Variants in FGF9 observed in about 807,000 individuals in gnomAD.
The protein encoded by FGF9 is fibroblast growth factor 9.
FGF9 carries 3 observed loss-of-function variants against 19.9 expected under a neutral mutation model. That is an observed-to-expected ratio of 0.15 (90% CI 0.07 to 0.39). The LOEUF is 0.39. FGF9 is among the 10% of genes least tolerant of loss of function. FGF9 has a pLI of 1.00. For synonymous variants in FGF9, 107 were observed against 106.9 expected, an observed-to-expected ratio of 1.00 and a Z score of -0.01; for missense variants, 175 against 256.8, an observed-to-expected ratio of 0.68 and a Z score of 2.18.
At chr13:21,697,893 G>A (rs904504010) in intron 2 of FGF9, among the ~76,000 whole-genome samples, 4 of 149,728 alleles carry the variant, frequency 2.7e-5, no homozygotes, top group Non-Finnish European at 5.9e-5. Flanking sequence ...TGCAAGCTCC[G>A]CCCTCCCGGG....
intron 2 of FGF9, among the ~76,000 whole-genome samples, chr13:21,693,699 G>A (rs893482361): frequency 2.0e-5 from 3 of 152,134 alleles, no homozygotes; most frequent in Non-Finnish European, 4.4e-5. Flanking sequence ...AAGAGGATGC[G>A]GCAGGCCCCA....
intron 1 of FGF9, among the ~76,000 whole-genome samples, chr13:21,676,416 T>G (rs1282631064): frequency 6.6e-6 from 1 of 152,368 alleles, no homozygotes; most frequent in African/African-American, 2.4e-5. Context: ...TCTATGTATC[T>G]GACTCTTCAA....
Position 21,701,621 on chromosome 13 carries a change from T to A in FGF9, c.*186T>A. On this transcript the variant is annotated 3_prime_UTR_variant, in exon 3 of 3. Coordinates refer to ENST00000382353, the MANE Select transcript of FGF9 (RefSeq NM_002010.3). The stretch of plus-strand genomic sequence containing the variant: ...ATTTTGTTCTGCACTTAAAGGCTTC[T>A]CCTCCTGGAGGGCTGCCTAGGGCCA... 1 of 779,098 alleles carries A rather than the reference T, an allele frequency of 1.3e-6. No homozygotes were observed. The highest frequency in any genetic ancestry group is 2.0e-6 in the Non-Finnish European group (1 of 489,476). The allele number at this position is 779,098 out of a possible 1,614,324, so 48.3% of individuals were successfully genotyped here. A position where few individuals can be genotyped will look rare whatever the true frequency, so the allele number is the denominator to read the frequency against.
At chr13:21,681,200 T>C (rs576845214) in intron 2 of FGF9, 55 bp downstream of exon 2, 59 of 1,290,100 alleles carry the variant, frequency 4.6e-5, no homozygotes, top group Non-Finnish European at 9.0e-6. Flanking sequence ...TTTGAACAGC[T>C]GTCTTTTCTC....
intron 2 of FGF9, among the ~76,000 whole-genome samples, chr13:21,695,524 G>A (rs1249698915): frequency 2.0e-5 from 3 of 152,124 alleles, no homozygotes; most frequent in East Asian, 1.9e-4. Context: ...CTCTTGCCTC[G>A]TCTGTCTGTG....
intron 2 of FGF9, among the ~76,000 whole-genome samples, chr13:21,698,520 G>A (rs1432630234): frequency 1.3e-5 from 2 of 152,208 alleles, no homozygotes; most frequent in African/African-American, 2.4e-5. Flanking sequence ...GAGAGAACCA[G>A]TTGTAAAGCC....
At chr13:21,674,466 C>T (rs1337202137) in intron 1 of FGF9, among the ~76,000 whole-genome samples, 1 of 151,952 alleles carries the variant, frequency 6.6e-6, no homozygotes, top group African/African-American at 2.4e-5. Flanking sequence ...CTTTCCCGCG[C>T]CCCCGCCTCC....
chr13:21,682,767 C>CT (rs1366696118), intron 2 of FGF9, among the ~76,000 whole-genome samples: 15 of 146,246 alleles, frequency 1.0e-4, no homozygotes, highest in African/African-American at 1.5e-4. Flanking sequence ...CAATAAAATG[C>CT]TTTTTTTGTG....
At position 21,701,071 on chromosome 13, in the gene FGF9, T is replaced by C. The variant is rs519234; in HGVS notation, c.382-119T>C. On this transcript the variant is annotated intron_variant, in intron 2 of 2. Coordinates refer to ENST00000382353, the MANE Select transcript of FGF9 (RefSeq NM_002010.3). ...TACATGTGTAGGATGCGCAGGTTTG[T>C]TAAATAGATAAACGTGTGCCAAGGT... The C allele has an allele frequency of 0.88, 669,623 of 763,298 alleles. 294,748 individuals are homozygous for C. The highest frequency in any genetic ancestry group is 1 in the East Asian group (36,958 of 36,968). The allele number at this position is 763,298 out of a possible 1,614,324, so 47.3% of individuals were successfully genotyped here. A position where few individuals can be genotyped will look rare whatever the true frequency, so the allele number is the denominator to read the frequency against.
At chr13:21,678,793 C>T (rs1871972851) in intron 1 of FGF9, among the ~76,000 whole-genome samples, 1 of 152,180 alleles carries the variant, frequency 6.6e-6, no homozygotes, top group South Asian at 2.1e-4. Flanking sequence ...ATTCAGACCT[C>T]AAAAGGGGCC....
chr13:21,693,495 G>C (rs936816754), intron 2 of FGF9, among the ~76,000 whole-genome samples: 1 of 152,142 alleles, frequency 6.6e-6, no homozygotes, highest in Non-Finnish European at 1.5e-5. Context: ...TTCAGGGTGC[G>C]TTTTCTCTGC....
chr13:21,671,377 T>G lies in FGF9; in HGVS notation c.-536T>G. 1 of 396,278 alleles carries G rather than the reference T, an allele frequency of 2.5e-6. No homozygotes were observed. The highest frequency in any genetic ancestry group is 4.4e-6 in the Non-Finnish European group (1 of 225,258). The allele number at this position is 396,278 out of a possible 1,614,324, so 24.5% of individuals were successfully genotyped here. On this transcript the variant is annotated 5_prime_UTR_variant, in exon 1 of 3. The change creates a new upstream start codon in the 5' untranslated region. Transcript: ENST00000382353. ...TTTGTCGCCGCCACCAACGTGAGAT[T>G]TTTTTTTCCCCTTGAAGGATTCATG... is the stretch of plus-strand genomic sequence containing the variant.
intron 2 of FGF9, among the ~76,000 whole-genome samples, chr13:21,700,936 G>C (rs901286250): frequency 6.6e-6 from 1 of 152,150 alleles, no homozygotes; most frequent in Non-Finnish European, 1.5e-5. Context: ...TCTCATGGGG[G>C]TTATATTGTG....
chr13:21,701,526 A>G lies in FGF9; in HGVS notation c.*91A>G. On this transcript the variant is annotated 3_prime_UTR_variant, in exon 3 of 3. Coordinates refer to ENST00000382353, the MANE Select transcript of FGF9 (RefSeq NM_002010.3). ...TCTTATTGATTCGCTGTGTCATCACATCAGCTCCACTGTTGCCAAACTTTG... is the reference window on the plus strand; with the variant it reads ...TCTTATTGATTCGCTGTGTCATCACGTCAGCTCCACTGTTGCCAAACTTTG... The G allele has an allele frequency of 6.4e-7, 1 of 1,571,350 alleles. No individual in the cohort carries two copies. Among genetic ancestry groups the G allele is most frequent in the Non-Finnish European group, 8.8e-7 (1 of 1,142,714 alleles).
At chr13:21,694,918 A>C (rs1157893035) in intron 2 of FGF9, among the ~76,000 whole-genome samples, 1 of 152,178 alleles carries the variant, frequency 6.6e-6, no homozygotes, top group South Asian at 2.1e-4. Context: ...AGCTAATATG[A>C]TTTGCTAAAC....
chr13:21,696,580 T>C (rs1872414974), intron 2 of FGF9, among the ~76,000 whole-genome samples: 1 of 152,180 alleles, frequency 6.6e-6, no homozygotes, highest in Non-Finnish European at 1.5e-5. Flanking sequence ...AGTTCTATAA[T>C]TCTAGAGTGT....
chr13:21,698,962 C>T (rs1219693087), intron 2 of FGF9, among the ~76,000 whole-genome samples: 3 of 152,126 alleles, frequency 2.0e-5, no homozygotes, highest in Non-Finnish European at 4.4e-5. Flanking sequence ...TATTTTTAGC[C>T]AGGAATAATC....
intron 1 of FGF9, among the ~76,000 whole-genome samples, chr13:21,676,926 C>T (rs951297819): frequency 1.3e-5 from 2 of 152,128 alleles, no homozygotes; most frequent in Non-Finnish European, 2.9e-5. Flanking sequence ...CTGGGGCAGC[C>T]CATCAGCTCT....
At position 21,702,438 on chromosome 13, in the gene FGF9, C is replaced by T. The variant is rs1210957795; in HGVS notation, c.*1003C>T. On this transcript the variant is annotated 3_prime_UTR_variant, in exon 3 of 3. Coordinates refer to ENST00000382353, the MANE Select transcript of FGF9 (RefSeq NM_002010.3). ...CTCATAAGTGACTCCACTATTGTAA[C>T]TTCATGGTTGGAAAATATGAGGGTT... The T allele has an allele frequency of 6.6e-6, 1 of 152,190 alleles. No individual in the cohort carries two copies. Among genetic ancestry groups the T allele is most frequent in the African/African-American group, 2.4e-5 (1 of 41,448 alleles). The allele number at this position is 152,190 out of a possible 1,614,324, so 9.4% of individuals were successfully genotyped here. A position where few individuals can be genotyped will look rare whatever the true frequency, so the allele number is the denominator to read the frequency against.
Sources: allele counts gnomAD v4.1 joint callset (sites outside exome capture counted in the v4.1 genomes callset), GRCh38; gene constraint gnomAD v4.1.1; transcripts MANE v1.5; gene names NCBI Gene and HGNC (gene_info 2026-07-23, HGNC 2026-07-21).